The following CYRIB variants were observed in gnomAD, a reference collection of about 807,000 sequenced individuals.
The protein encoded by CYRIB is CYFIP-related Rac1 interactor B.
CYRIB carries 8 observed loss-of-function variants against 44.2 expected under a neutral mutation model. The observed-to-expected ratio is 0.18, with a 90% CI of 0.11 to 0.33. The LOEUF is 0.33. CYRIB is among the 10% of genes least tolerant of loss of function. The pLI is 1.00. For missense variants in CYRIB, 185 were observed against 382.8 expected (o/e 0.48, Z 4.31); for synonymous variants, 131 against 127.2 (o/e 1.03, Z -0.20).
chr8:129,967,570 G>A (rs1478071748), intron 2 of CYRIB, among the ~76,000 whole-genome samples: 4 of 151,960 alleles, frequency 2.6e-5, no homozygotes, highest in Admixed American at 6.6e-5. Flanking sequence ...TAGTAGAGAC[G>A]GGGTTTCACC....
At chr8:129,871,309 C>G (rs2057103945) in intron 4 of CYRIB, 66 bp downstream of exon 6, 1 of 1,524,406 alleles carries the variant, frequency 6.6e-7, no homozygotes, top group Non-Finnish European at 8.8e-7. Context: ...GTCTAGAAAA[C>G]AAGAGATTAC....
intron 2 of CYRIB, among the ~76,000 whole-genome samples, chr8:129,955,475 C>G (rs1232785195): frequency 6.6e-6 from 1 of 152,096 alleles, no homozygotes; most frequent in Non-Finnish European, 1.5e-5. Flanking sequence ...AAACTCCTAC[C>G]TACACATCGA....
intron 1 of CYRIB, among the ~76,000 whole-genome samples, chr8:130,012,515 CA>C (rs1352816745): frequency 7.0e-5 from 9 of 128,036 alleles, no homozygotes; most frequent in Non-Finnish European, 1.5e-4. Flanking sequence ...AGGGAAGAAA[CA>C]GACATTGCTG....
At chr8:129,993,203 A>C (rs192085892) in intron 1 of CYRIB, among the ~76,000 whole-genome samples, 4 of 150,174 alleles carry the variant, frequency 2.7e-5, no homozygotes, top group East Asian at 4.0e-4. Flanking sequence ...CCAGCCTGGC[A>C]AACATAGTGA....
intron 3 of CYRIB, among the ~76,000 whole-genome samples, chr8:129,875,119 T>C (rs888194860): frequency 3.3e-5 from 5 of 152,190 alleles, no homozygotes; most frequent in African/African-American, 1.2e-4. Context: ...AAGTCTCTTT[T>C]CTCCCAAGAA....
At chr8:129,928,660 T>TAA (rs879465964) in intron 1 of CYRIB, among the ~76,000 whole-genome samples, 2 of 137,860 alleles carry the variant, frequency 1.5e-5, no homozygotes, top group African/African-American at 5.4e-5. Flanking sequence ...ATCCTTTCTT[T>TAA]AAAAAAAAAA....
upstream of CYRIB, among the ~76,000 whole-genome samples, chr8:129,943,086 A>ACCCCCCCCCCCCCCCCCCCCCCC (rs779721289): frequency 2.0e-5 from 2 of 101,578 alleles, no homozygotes; most frequent in African/African-American, 3.3e-5. Flanking sequence ...TGCACCGCCC[A>ACCCCCCCCCCCCCCCCCCCCCCC]CCCGCCCCCC....
intron 2 of CYRIB, among the ~76,000 whole-genome samples, chr8:129,884,837 T>G (rs750434181): frequency 2.0e-5 from 3 of 152,060 alleles, no homozygotes; most frequent in Non-Finnish European, 2.9e-5. Context: ...ACCTCAGGAG[T>G]TGTCCTATTT....
At chr8:129,880,265 G>T in intron 2 of CYRIB, 2 of 467,608 alleles carry the variant, frequency 4.3e-6, no homozygotes, top group Non-Finnish European at 5.6e-6. Flanking sequence ...ACCTTTGTTT[G>T]ATTCCCATGT....
intron 3 of CYRIB, among the ~76,000 whole-genome samples, chr8:129,877,418 T>C (rs540169379): frequency 2.3e-3 from 343 of 152,202 alleles, no homozygotes; most frequent in Middle Eastern, 6.8e-3. Flanking sequence ...AAGGCCAAGG[T>C]GGGTGGATCA....
intron 1 of CYRIB, among the ~76,000 whole-genome samples, chr8:129,905,979 G>A (rs1364752085): frequency 6.6e-6 from 1 of 152,144 alleles, no homozygotes; most frequent in Non-Finnish European, 1.5e-5. Flanking sequence ...AACATTCCAT[G>A]CTCATGGATA....
chr8:129,880,396 T>C (rs2060445172), intron 2 of CYRIB: 1 of 985,858 alleles, frequency 1.0e-6, no homozygotes. Context: ...CAAGAAAAAA[T>C]GTGCTGCATT....
chr8:129,858,052 AGAT>A (rs1304649439), intron 5 of CYRIB, among the ~76,000 whole-genome samples: 1 of 152,242 alleles, frequency 6.6e-6, no homozygotes, highest in Non-Finnish European at 1.5e-5. Context: ...GGGAAGCTCA[AGAT>A]GATAAATCTG....
chr8:129,862,017 A>T (rs555357065), intron 5 of CYRIB, among the ~76,000 whole-genome samples: 1 of 152,324 alleles, frequency 6.6e-6, no homozygotes, highest in Middle Eastern at 3.4e-3. Context: ...TGATGAGGAA[A>T]ATAACTTGTG....
intron 1 of CYRIB, among the ~76,000 whole-genome samples, chr8:129,995,441 G>A (rs1225404204): frequency 6.6e-6 from 1 of 152,176 alleles, no homozygotes; most frequent in Non-Finnish European, 1.5e-5. Context: ...CCCTACCCTA[G>A]AAGCCATTCA....
chr8:129,983,625 G>T (rs1441588391), intron 1 of CYRIB, among the ~76,000 whole-genome samples: 1 of 152,224 alleles, frequency 6.6e-6, no homozygotes, highest in African/African-American at 2.4e-5. Context: ...GGCAGGAAGG[G>T]ATCCAGGGCA....
chr8:129,858,523 T>C (rs1242798939), intron 5 of CYRIB, among the ~76,000 whole-genome samples: 2 of 152,260 alleles, frequency 1.3e-5, no homozygotes, highest in East Asian at 1.9e-4. Context: ...AGTTTCCCTA[T>C]AGAGACAACA....
chr8:129,891,937 C>T (rs1271699217), intron 2 of CYRIB, among the ~76,000 whole-genome samples: 1 of 152,118 alleles, frequency 6.6e-6, no homozygotes, highest in Non-Finnish European at 1.5e-5. Flanking sequence ...CTGTTCCTTA[C>T]ATGGAAGTGA....
intron 1 of CYRIB, among the ~76,000 whole-genome samples, chr8:129,924,575 T>C (rs1564008367): frequency 6.6e-6 from 1 of 152,190 alleles, no homozygotes; most frequent in Non-Finnish European, 1.5e-5. Context: ...GCCTTTAAAG[T>C]TACTCTGTAG....
Sources: allele counts gnomAD v4.1 joint callset (sites outside exome capture counted in the v4.1 genomes callset), GRCh38; gene constraint gnomAD v4.1.1; transcripts MANE v1.5; gene names NCBI Gene and HGNC (gene_info 2026-07-23, HGNC 2026-07-21).